The following MYO18B variants were observed in gnomAD, a reference collection of about 807,000 sequenced individuals.
MYO18B encodes the protein unconventional myosin-XVIIIb.
In MYO18B, 204 loss-of-function variants were observed where a neutral mutation model predicts 273.0. That is an observed-to-expected ratio of 0.75 (90% CI 0.67 to 0.84). The LOEUF (loss-of-function observed/expected upper bound fraction) is 0.84, where lower values mean the gene tolerates loss of function less well. MYO18B is among the 40% of genes least tolerant of loss of function. MYO18B has a pLI of 0.00. For synonymous variants in MYO18B, 1,330 were observed against 1,305.7 expected (o/e 1.02, Z -0.40); for missense variants, 3,212 against 3,287.6 (o/e 0.98, Z 0.56).
chr22:25,916,746 G>A (rs563825959), intron 33 of MYO18B, among the ~76,000 whole-genome samples: 2 of 152,244 alleles, frequency 1.3e-5, no homozygotes, highest in East Asian at 3.9e-4. Flanking sequence ...AAAGGATTGT[G>A]TGTGGCTGGG....
chr22:26,005,165 A>C (rs1343944363), intron 42 of MYO18B, among the ~76,000 whole-genome samples: 1 of 152,240 alleles, frequency 6.6e-6, no homozygotes, highest in Non-Finnish European at 1.5e-5. Flanking sequence ...TAAATAGCAC[A>C]GGGTGAACAT....
At chr22:25,874,233 T>C (rs1027619742) in intron 22 of MYO18B, 53 bp from the exon 23 acceptor site, 1 of 1,600,008 alleles carries the variant, frequency 6.2e-7, no homozygotes, top group Non-Finnish European at 8.5e-7. Context: ...ACCCCCCCAT[T>C]GTAGACAGCC....
At chr22:25,831,655 T>A (rs1180189191) in intron 15 of MYO18B, among the ~76,000 whole-genome samples, 1 of 152,206 alleles carries the variant, frequency 6.6e-6, no homozygotes, top group Non-Finnish European at 1.5e-5. Flanking sequence ...AGTGCTTGGA[T>A]TACAGGCATG....
chr22:25,771,964 G>T (rs549155692), intron 6 of MYO18B, among the ~76,000 whole-genome samples: 1 of 152,348 alleles, frequency 6.6e-6, no homozygotes, highest in East Asian at 1.9e-4. Context: ...AGAAGAGGAG[G>T]AAATGGCAGC....
chr22:25,857,087 TC>T (rs2090594328), intron 21 of MYO18B, among the ~76,000 whole-genome samples: 1 of 152,192 alleles, frequency 6.6e-6, no homozygotes, highest in Non-Finnish European at 1.5e-5. Flanking sequence ...TCAGTTCCAT[TC>T]CTGTCTCCCA....
At chr22:25,901,227 G>A (rs6004818) in intron 29 of MYO18B, 19,634 of 152,196 alleles carry the variant, frequency 0.13, 2,117 homozygotes, top group African/African-American at 0.3. Context: ...ACACTGGATA[G>A]TCTTATAATA....
At chr22:26,030,177 C>T (rs1346927472) in intron 43 of MYO18B, among the ~76,000 whole-genome samples, 1 of 152,102 alleles carries the variant, frequency 6.6e-6, no homozygotes, top group Non-Finnish European at 1.5e-5. Context: ...TTGAGACCAG[C>T]CTGGGCAACA....
chr22:26,033,815 C>T (rs1936717220), downstream of MYO18B, among the ~76,000 whole-genome samples: 1 of 104,818 alleles, frequency 9.5e-6, no homozygotes. Context: ...CTTTCTTTTT[C>T]TCTTCCTCCC....
At chr22:26,000,597 T>TTTA (rs1481972319) in intron 40 of MYO18B, among the ~76,000 whole-genome samples, 70 of 147,682 alleles carry the variant, frequency 4.7e-4, no homozygotes, top group Non-Finnish European at 9.9e-4. Flanking sequence ...TTTTTTTTTT[T>TTTA]AAATCTCCTG....
intron 5 of MYO18B, 47 bp downstream of exon 5, chr22:25,770,223 T>G (rs762093424): frequency 6.4e-7 from 1 of 1,566,816 alleles, no homozygotes; most frequent in East Asian, 2.2e-5. Context: ...TCTTCTCCTG[T>G]GCCCCCTACT....
At chr22:25,777,817 T>A (rs1601663428) in intron 8 of MYO18B, 36 bp downstream of exon 8, 1 of 1,540,132 alleles carries the variant, frequency 6.5e-7, no homozygotes, top group South Asian at 1.3e-5. Context: ...AGAGTTGGGG[T>A]CAGCACGGGG....
intron 39 of MYO18B, among the ~76,000 whole-genome samples, chr22:25,983,919 TC>T (rs2093174221): frequency 6.6e-6 from 1 of 152,192 alleles, no homozygotes; most frequent in South Asian, 2.1e-4. Flanking sequence ...TGCTAATCTC[TC>T]CTGGCTTTCC....
chr22:25,882,027 C>T (rs1007980781), intron 25 of MYO18B, among the ~76,000 whole-genome samples: 3 of 152,184 alleles, frequency 2.0e-5, no homozygotes, highest in African/African-American at 7.2e-5. Flanking sequence ...TCCCTTGTCA[C>T]TCATTTTAGG....
intron 17 of MYO18B, 94 bp downstream of exon 17, chr22:25,835,537 G>C (rs571652645): frequency 6.7e-7 from 1 of 1,491,304 alleles, no homozygotes; most frequent in South Asian, 1.2e-5. Context: ...GACAAGGCCT[G>C]CACAGAGGCT....
chr22:25,749,769 C>A (rs133861), intron 1 of MYO18B, among the ~76,000 whole-genome samples: 8,035 of 152,138 alleles, frequency 0.053, 599 homozygotes, highest in African/African-American at 0.16. Context: ...AAAGTCAGGG[C>A]TATAGTAGGG....
At chr22:26,039,072 G>T in the MYO18B span, among the ~76,000 whole-genome samples, 1 of 152,106 alleles carries the variant, frequency 6.6e-6, no homozygotes, top group Non-Finnish European at 1.5e-5. Flanking sequence ...GGAGAAAGAT[G>T]AAGCCTGGAA....
chr22:25,835,723 GCA>G lies in MYO18B; in HGVS notation c.3208+283_3208+284del, dbSNP rs1249975954. On this transcript the variant is annotated intron_variant, in intron 17 of 43. Coordinates refer to ENST00000335473, the MANE Select transcript of MYO18B (RefSeq NM_032608.7). ...CAAGCTCACAGCCAAGCACATGCGT[GCA>G]CAGTGAGCCTGCAACTGCACTCTAA... 5.3e-5 allele frequency among the ~76,000 whole-genome samples: 8 copies of G among 152,248 alleles called. No individual in the cohort carries two copies. The South Asian group carries it at 1.0e-3, about 20-fold the overall frequency.
At chr22:25,810,098 C>CT (rs566532119) in intron 12 of MYO18B, among the ~76,000 whole-genome samples, 2,028 of 132,380 alleles carry the variant, frequency 0.015, 26 homozygotes, top group South Asian at 0.027. Context: ...TTCCTTCAGG[C>CT]TTTTTTTTTT....
At chr22:25,912,627 C>T (rs960404896) in intron 33 of MYO18B, among the ~76,000 whole-genome samples, 7 of 152,114 alleles carry the variant, frequency 4.6e-5, no homozygotes, top group Non-Finnish European at 7.4e-5. Flanking sequence ...ATAATGTAAT[C>T]GGTGTTTATG....
Sources: gnomAD v4.1 joint callset for allele counts (sites outside exome capture counted in the v4.1 genomes callset) on GRCh38, gnomAD v4.1.1 for gene constraint, MANE v1.5 for transcripts, NCBI Gene and HGNC (gene_info 2026-07-23, HGNC 2026-07-21) for gene names.